Variants in LY96 observed in about 807,000 individuals in gnomAD.
LY96 encodes lymphocyte antigen 96, also known as myeloid differentiation protein-2.
LY96 carries 18 observed loss-of-function variants against 18.9 expected under a neutral mutation model. The observed-to-expected ratio is 0.95, with a 90% confidence interval of 0.66 to 1.41. LY96 has a LOEUF of 1.41. LY96 is among the 40% of genes most tolerant of loss of function. The pLI, the probability that LY96 is intolerant of heterozygous loss-of-function variation, is 0.00. For synonymous variants in LY96, 66 were observed against 62.6 expected (o/e 1.06, Z -0.26); for missense variants, 175 against 182.4 (o/e 0.96, Z 0.23).
At chr8:74,083,977 G>A in the LY96 span, among the ~76,000 whole-genome samples, 1 of 151,920 alleles carries the variant, frequency 6.6e-6, no homozygotes, top group Non-Finnish European at 1.5e-5. Flanking sequence ...GTGAGCCACT[G>A]TGTCCAGCCA....
At chr8:74,024,261 A>G (rs2131283107) in intron 3 of LY96, among the ~76,000 whole-genome samples, 1 of 152,054 alleles carries the variant, frequency 6.6e-6, no homozygotes, top group East Asian at 1.9e-4. Flanking sequence ...AGAAAAGCAG[A>G]AAAATGAAAT....
downstream of LY96, among the ~76,000 whole-genome samples, chr8:74,033,197 A>T (rs534018003): frequency 5.3e-4 from 81 of 152,144 alleles, no homozygotes; most frequent in African/African-American, 1.8e-3. Flanking sequence ...AAAAAAAAAG[A>T]TGGGTAAGGA....
chr8:74,031,805 G>A (rs762414529), downstream of LY96, among the ~76,000 whole-genome samples: 1 of 149,750 alleles, frequency 6.7e-6, no homozygotes, highest in Non-Finnish European at 1.5e-5. Context: ...CAATGTGGAG[G>A]AAGGGCAAAA....
At chr8:74,033,570 C>T (rs1817004316), downstream of LY96, among the ~76,000 whole-genome samples, 1 of 152,166 alleles carries the variant, frequency 6.6e-6, no homozygotes, top group South Asian at 2.1e-4. Context: ...CTGATTCTAA[C>T]TTTATAGAAG....
chr8:74,012,941 G>GA (rs1816559118), intron 3 of LY96, among the ~76,000 whole-genome samples: 1 of 151,862 alleles, frequency 6.6e-6, no homozygotes, highest in South Asian at 2.1e-4. Flanking sequence ...AACTGTGGCA[G>GA]AAAAACTGGG....
At chr8:74,026,361 T>C (rs1168238338) in intron 3 of LY96, among the ~76,000 whole-genome samples, 3 of 152,238 alleles carry the variant, frequency 2.0e-5, no homozygotes, top group East Asian at 3.8e-4. Flanking sequence ...AGTGGTGTAA[T>C]TGGGAGGAGC....
Position 74,004,975 on chromosome 8 carries a change from G to A in LY96, c.202+90G>A, listed in dbSNP as rs549486377. ...TTGTGTTTCAAATATACTTGTATTC[G>A]TTATCTATTGCTACGTAACAAATTA... On this transcript the variant is annotated intron_variant, in intron 2 of 4. Coordinates refer to ENST00000284818, the MANE Select transcript of LY96 (RefSeq NM_015364.5). The A allele has an allele frequency of 2.4e-4, 318 of 1,352,640 alleles. 1 individual carries two copies. Among genetic ancestry groups the A allele is most frequent in the Non-Finnish European group, 2.6e-4 (254 of 961,382 alleles). The allele number at this position is 1,352,640 out of a possible 1,614,324, so 83.8% of individuals were successfully genotyped here.
chr8:74,076,523 C>T, the LY96 span, among the ~76,000 whole-genome samples: 2 of 152,004 alleles, frequency 1.3e-5, no homozygotes, highest in African/African-American at 4.8e-5. Flanking sequence ...CGGGGTTTCA[C>T]CACGTTGGCC....
At chr8:73,992,867 T>TGTGTGA (rs1217399078) in intron 1 of LY96, among the ~76,000 whole-genome samples, 1 of 151,160 alleles carries the variant, frequency 6.6e-6, no homozygotes, top group Non-Finnish European at 1.5e-5. Context: ...TGTGTGTGTG[T>TGTGTGA]GTGTGTGTGA....
Position 74,027,375 on chromosome 8 carries a change from G to T in LY96, c.384+534G>T, listed in dbSNP as rs186980720. ...CCAGGCTGGAGTGAAGTGTGTTCTG[G>T]ACTCACTGCAACTTCCGCCTCCCAG... On this transcript the variant is annotated intron_variant, in intron 4 of 4. Coordinates refer to ENST00000284818, the MANE Select transcript of LY96 (RefSeq NM_015364.5). Among the ~76,000 whole-genome samples the T allele has an allele frequency of 2.7e-5, 4 of 150,582 alleles. No individual in the cohort carries two copies. In the East Asian group the frequency reaches 7.8e-4, roughly 29 times the overall value.
At chr8:74,045,806 AC>A in the LY96 span, among the ~76,000 whole-genome samples, 26 of 152,174 alleles carry the variant, frequency 1.7e-4, no homozygotes, top group African/African-American at 5.8e-4. Flanking sequence ...GCTGGAAGTA[AC>A]CCTACAGGGA....
the LY96 span, among the ~76,000 whole-genome samples, chr8:74,064,080 C>T: frequency 6.6e-6 from 1 of 152,038 alleles, no homozygotes; most frequent in South Asian, 2.1e-4. Context: ...TTATAGTAGC[C>T]TTTGTTTCTA....
the LY96 span, among the ~76,000 whole-genome samples, chr8:74,064,921 A>T: frequency 6.6e-6 from 1 of 152,216 alleles, no homozygotes; most frequent in Non-Finnish European, 1.5e-5. Flanking sequence ...AGTGTGAAGG[A>T]TAAGAACTCA....
the LY96 span, among the ~76,000 whole-genome samples, chr8:74,084,689 C>T: frequency 6.6e-6 from 1 of 152,190 alleles, no homozygotes. Context: ...TCTCGGCTCA[C>T]TGCAACTTCT....
the LY96 span, among the ~76,000 whole-genome samples, chr8:74,087,676 AG>A: frequency 6.6e-6 from 1 of 152,192 alleles, no homozygotes; most frequent in Non-Finnish European, 1.5e-5. Flanking sequence ...TATTTCACAG[AG>A]GTGTGAAAAG....
At chr8:74,040,318 G>A in the LY96 span, among the ~76,000 whole-genome samples, 70 of 152,120 alleles carry the variant, frequency 4.6e-4, no homozygotes, top group Middle Eastern at 0.01. Flanking sequence ...CTCTTGCCTT[G>A]GCACCTAGGT....
chr8:74,049,394 T>C, the LY96 span, among the ~76,000 whole-genome samples: 1 of 152,248 alleles, frequency 6.6e-6, no homozygotes, highest in Non-Finnish European at 1.5e-5. Context: ...TCATTGTTGC[T>C]TACATTTCTT....
intron 1 of LY96, among the ~76,000 whole-genome samples, chr8:73,995,213 T>G (rs1283798451): frequency 6.6e-6 from 1 of 152,184 alleles, no homozygotes; most frequent in Admixed American, 6.5e-5. Context: ...ACCAGCACCT[T>G]CACATGGAAC....
chr8:74,041,571 C>T, the LY96 span, among the ~76,000 whole-genome samples: 6 of 152,172 alleles, frequency 3.9e-5, no homozygotes, highest in East Asian at 9.7e-4. Context: ...TAATTAAGAC[C>T]ATGGGAAAGG....
Sources: allele counts gnomAD v4.1 joint callset (sites outside exome capture counted in the v4.1 genomes callset), GRCh38; gene constraint gnomAD v4.1.1; transcripts MANE v1.5; gene names NCBI Gene and HGNC (gene_info 2026-07-23, HGNC 2026-07-21).